Variants in OR51B5 observed in about 807,000 individuals in gnomAD.
The protein encoded by OR51B5 is olfactory receptor family 51 subfamily B member 5, also known as olfactory receptor 51B5.
For synonymous variants in OR51B5, 186 were observed against 144.8 expected, an observed-to-expected ratio of 1.28 and a Z score of -2.04; for missense variants, 456 against 374.6, an observed-to-expected ratio of 1.22 and a Z score of -1.79.
intron 1 of OR51B5, chr11:5,441,047 G>T: frequency 6.2e-7 from 1 of 1,613,970 alleles, no homozygotes; most frequent in Non-Finnish European, 8.5e-7. Context: ...GGAAGAGAGT[G>T]GTGAAACTCT....
intron 1 of OR51B5, chr11:5,454,842 T>C (rs1241688022): frequency 6.3e-6 from 1 of 159,398 alleles, no homozygotes; most frequent in Non-Finnish European, 1.4e-5. Flanking sequence ...TTAAGTTAAT[T>C]CTTCAGCCTA....
chr11:5,352,498 C>G (rs5024039), intron 1 of OR51B5: 1 of 1,146,644 alleles, frequency 8.7e-7, no homozygotes, highest in Non-Finnish European at 1.2e-6. Context: ...GACAGGATGA[C>G]AATGTTGCCA....
intron 1 of OR51B5, among the ~76,000 whole-genome samples, chr11:5,442,657 T>A (rs894246477): frequency 2.6e-5 from 4 of 152,188 alleles, no homozygotes; most frequent in Admixed American, 2.0e-4. Flanking sequence ...CATTATTATT[T>A]TTTAGTTATT....
intron 1 of OR51B5, among the ~76,000 whole-genome samples, chr11:5,463,331 T>C (rs1021750661): frequency 6.6e-6 from 1 of 152,226 alleles, no homozygotes; most frequent in Non-Finnish European, 1.5e-5. Context: ...TCTGGAGGCA[T>C]GTGTAACTTA....
intron 1 of OR51B5, among the ~76,000 whole-genome samples, chr11:5,404,985 C>T (rs1325189849): frequency 1.3e-5 from 2 of 152,174 alleles, no homozygotes; most frequent in East Asian, 1.9e-4. Context: ...TGAGGGTCCT[C>T]GGCTTCATTC....
chr11:5,483,508 T>TAAAAAAAAAAA, intron 1 of OR51B5, among the ~76,000 whole-genome samples: 1 of 96,668 alleles, frequency 1.0e-5, no homozygotes. Context: ...AAAGTATAAT[T>TAAAAAAAAAAA]AAAAAAAAAA....
At chr11:5,436,526 C>T (rs1850598808) in intron 1 of OR51B5, among the ~76,000 whole-genome samples, 1 of 152,178 alleles carries the variant, frequency 6.6e-6, no homozygotes, top group Non-Finnish European at 1.5e-5. Flanking sequence ...GTTCTCAACC[C>T]CTGCTGTGTG....
At chr11:5,440,829 A>G (rs1850672215) in intron 1 of OR51B5, 2 of 1,613,734 alleles carry the variant, frequency 1.2e-6, no homozygotes, top group South Asian at 2.2e-5. Context: ...GGATATGATG[A>G]CCAGCATGGC....
intron 1 of OR51B5, among the ~76,000 whole-genome samples, chr11:5,441,690 T>A (rs1394922720): frequency 6.6e-6 from 1 of 152,158 alleles, no homozygotes; most frequent in South Asian, 2.1e-4. Context: ...TCTAATCGTT[T>A]GTGTACCACC....
intron 1 of OR51B5, among the ~76,000 whole-genome samples, chr11:5,353,334 G>C (rs1213087089): frequency 6.6e-6 from 1 of 152,126 alleles, no homozygotes; most frequent in Non-Finnish European, 1.5e-5. Context: ...GTTAATTCCA[G>C]TTACTACTGA....
intron 1 of OR51B5, among the ~76,000 whole-genome samples, chr11:5,492,550 A>G (rs1212737881): frequency 6.6e-6 from 1 of 152,134 alleles, no homozygotes; most frequent in African/African-American, 2.4e-5. Context: ...CTCTGTGTAA[A>G]GGCAAGACAA....
At chr11:5,447,534 G>A (rs1041700109) in intron 1 of OR51B5, among the ~76,000 whole-genome samples, 2 of 152,084 alleles carry the variant, frequency 1.3e-5, no homozygotes, top group Non-Finnish European at 2.9e-5. Context: ...TAATTTCCAG[G>A]ATTAAATATA....
At chr11:5,340,498 T>C (rs1848877413), downstream of OR51B5, 1 of 152,002 alleles carries the variant, frequency 6.6e-6, no homozygotes, top group Admixed American at 6.6e-5. Flanking sequence ...CAATGTCATA[T>C]TGAAAAATTC....
intron 1 of OR51B5, chr11:5,362,692 G>T: frequency 4.6e-6 from 1 of 218,332 alleles, no homozygotes; most frequent in South Asian, 9.3e-5. Flanking sequence ...TAGAGCTTTT[G>T]GCCATCGACA....
At chr11:5,387,814 T>C (rs1449234882) in intron 1 of OR51B5, among the ~76,000 whole-genome samples, 1 of 152,206 alleles carries the variant, frequency 6.6e-6, no homozygotes, top group African/African-American at 2.4e-5. Flanking sequence ...AGGTCTTCTC[T>C]GACTACCCTA....
At chr11:5,352,520 T>C in intron 1 of OR51B5, 2 of 894,810 alleles carry the variant, frequency 2.2e-6, no homozygotes, top group East Asian at 4.8e-5. Flanking sequence ...CATAAGTAAC[T>C]AGGGAAAGTC....
intron 1 of OR51B5, among the ~76,000 whole-genome samples, chr11:5,480,097 G>A (rs1018658617): frequency 5.5e-4 from 84 of 152,078 alleles, no homozygotes; most frequent in East Asian, 3.5e-3. Context: ...AATTGACCAC[G>A]TACTTGGAAG....
intron 1 of OR51B5, chr11:5,468,816 G>A (rs1478086871): frequency 2.2e-6 from 1 of 451,848 alleles, no homozygotes; most frequent in Non-Finnish European, 4.5e-6. Flanking sequence ...ACAATGAACA[G>A]GCCATACATG....
intron 1 of OR51B5, among the ~76,000 whole-genome samples, chr11:5,474,188 T>C (rs1851270476): frequency 6.6e-6 from 1 of 152,178 alleles, no homozygotes. Flanking sequence ...CCTATGAGTA[T>C]TTTTATTCAC....
Sources: gnomAD v4.1 joint callset for allele counts (sites outside exome capture counted in the v4.1 genomes callset) on GRCh38, gnomAD v4.1.1 for gene constraint, MANE v1.5 for transcripts, NCBI Gene and HGNC (gene_info 2026-07-23, HGNC 2026-07-21) for gene names.